Variants in RELN observed in about 807,000 individuals in gnomAD.
RELN encodes reelin.
RELN carries 108 observed loss-of-function variants against 427.6 expected under a neutral mutation model. The observed-to-expected ratio is 0.25, with a 90% CI of 0.22 to 0.30. The LOEUF (loss-of-function observed/expected upper bound fraction) is 0.30, where lower values mean the gene tolerates loss of function less well. Ranked by LOEUF, RELN falls within the 10% of genes least tolerant of loss-of-function variation. The pLI, the probability that RELN is intolerant of heterozygous loss-of-function variation, is 1.00. For synonymous variants in RELN, 1,524 were observed against 1,513.4 expected (o/e 1.01, Z -0.16); for missense variants, 3,715 against 4,302.8 (o/e 0.86, Z 3.82).
chr7:103,818,015 A>T (rs1013777747), intron 3 of RELN, among the ~76,000 whole-genome samples: 45 of 151,836 alleles, frequency 3.0e-4, no homozygotes, highest in Non-Finnish European at 4.9e-4. Flanking sequence ...CTCACTTTTT[A>T]AAAAAAGATC....
intron 45 of RELN, among the ~76,000 whole-genome samples, chr7:103,537,982 G>A (rs894918968): frequency 2.6e-5 from 4 of 152,156 alleles, no homozygotes; most frequent in African/African-American, 9.7e-5. Context: ...GCACTACTCC[G>A]TGGAACACTT....
chr7:103,820,868 A>G (rs1194870303), intron 3 of RELN, among the ~76,000 whole-genome samples: 1 of 152,052 alleles, frequency 6.6e-6, no homozygotes, highest in African/African-American at 2.4e-5. Context: ...ACACACACAT[A>G]CACACACACA....
chr7:103,579,680 T>C (rs982190644), intron 28 of RELN, among the ~76,000 whole-genome samples: 7 of 152,106 alleles, frequency 4.6e-5, no homozygotes, highest in African/African-American at 1.7e-4. Context: ...GTTTTGCGTG[T>C]CCCAGATAAA....
chr7:103,808,436 C>CA (rs1016482599), intron 3 of RELN, among the ~76,000 whole-genome samples: 5 of 151,450 alleles, frequency 3.3e-5, no homozygotes, highest in South Asian at 2.1e-4. Context: ...CAAAACAAAA[C>CA]AAAAAAAACC....
intron 28 of RELN, among the ~76,000 whole-genome samples, chr7:103,579,604 A>C (rs867378048): frequency 3.9e-5 from 6 of 151,956 alleles, no homozygotes; most frequent in East Asian, 1.9e-4. Flanking sequence ...ATCTCCAAAA[A>C]AAAAAAAAAA....
chr7:103,491,803 T>G, intron 58 of RELN, 150 bp downstream of exon 58: 2 of 664,940 alleles, frequency 3.0e-6, no homozygotes, highest in Non-Finnish European at 5.4e-6. Flanking sequence ...CACTCCAGCC[T>G]GGGCAACAAG....
intron 4 of RELN, among the ~76,000 whole-genome samples, chr7:103,763,795 C>G (rs1193815299): frequency 2.6e-5 from 4 of 151,906 alleles, no homozygotes; most frequent in African/African-American, 9.7e-5. Context: ...TGGGACAGAT[C>G]AGGGAAGTCC....
At chr7:103,489,933 T>C (rs756720356) in intron 59 of RELN, 34 bp from the exon 60 acceptor site, 5 of 1,612,964 alleles carry the variant, frequency 3.1e-6, no homozygotes, top group Admixed American at 3.3e-5. Context: ...AGGGATTCAG[T>C]AGGTTGTTAC....
rs145233007 is a variant in RELN, at chr7:103,926,519, G to A, written c.227-9334C>T. The stretch of plus-strand genomic sequence containing the variant: ...AGAGTGACCTTGATAATACTCGTGC[G>A]TATGTCATACATCTGTTGTTTGTAA... On this transcript the variant is annotated intron_variant, in intron 1 of 64. Transcript: ENST00000428762. 2.4e-3 allele frequency among the ~76,000 whole-genome samples: 368 copies of A among 151,570 alleles called. 2 individuals are homozygous for A. The highest frequency in any genetic ancestry group is 8.3e-3 in the African/African-American group (344 of 41,308).
At chr7:103,522,951 A>C (rs1312261816) in intron 47 of RELN, among the ~76,000 whole-genome samples, 17 of 152,070 alleles carry the variant, frequency 1.1e-4, no homozygotes. Context: ...TTGACCAGAC[A>C]TCTACATACT....
intron 3 of RELN, among the ~76,000 whole-genome samples, chr7:103,787,416 G>C (rs1792045123): frequency 6.6e-6 from 1 of 151,532 alleles, no homozygotes; most frequent in African/African-American, 2.4e-5. Context: ...GAAAAGATTA[G>C]CAAAATAGAT....
At chr7:103,574,371 G>A (rs1830950699) in intron 29 of RELN, 72 bp from the exon 30 acceptor site, 1 of 1,254,912 alleles carries the variant, frequency 8.0e-7, no homozygotes, top group Non-Finnish European at 1.2e-6. Flanking sequence ...TCAACACATG[G>A]GCAAAGGAAG....
intron 60 of RELN, among the ~76,000 whole-genome samples, chr7:103,487,401 G>GA (rs769886377): frequency 0.34 from 23,834 of 70,690 alleles, 2,202 homozygotes; most frequent in African/African-American, 0.42. Context: ...ACTTAAAGTA[G>GA]AAAAAAAAAA....
At chr7:103,687,833 T>C (rs1833794786) in intron 10 of RELN, among the ~76,000 whole-genome samples, 1 of 152,194 alleles carries the variant, frequency 6.6e-6, no homozygotes, top group Admixed American at 6.5e-5. Context: ...GATTATTTTC[T>C]GTATAAATTA....
At chr7:103,897,792 C>G (rs1466902784) in intron 2 of RELN, among the ~76,000 whole-genome samples, 1 of 151,942 alleles carries the variant, frequency 6.6e-6, no homozygotes, top group Non-Finnish European at 1.5e-5. Context: ...TAACAAAATC[C>G]TAGTGAAACT....
At chr7:103,875,761 A>C (rs555902135) in intron 2 of RELN, among the ~76,000 whole-genome samples, 1 of 152,270 alleles carries the variant, frequency 6.6e-6, no homozygotes, top group South Asian at 2.1e-4. Context: ...AAAACCCTGA[A>C]TCTGTCTTTC....
At chr7:103,773,156 C>CTTTCTT (rs1161095928) in intron 4 of RELN, among the ~76,000 whole-genome samples, 1 of 125,114 alleles carries the variant, frequency 8.0e-6, no homozygotes, top group Non-Finnish European at 1.7e-5. Flanking sequence ...TTCTTTCTTT[C>CTTTCTT]TTTCTTTCTT....
At chr7:103,513,466 A>T (rs1829479260) in intron 50 of RELN, 1 of 152,192 alleles carries the variant, frequency 6.6e-6, no homozygotes. Flanking sequence ...ATTATACAGG[A>T]AAAAAATGAG....
chr7:103,599,665 G>A lies in RELN; in HGVS notation c.3334-3004C>T, dbSNP rs180887650. On this transcript the variant is annotated intron_variant, in intron 24 of 64. Coordinates refer to ENST00000428762, the MANE Select transcript of RELN (RefSeq NM_005045.4). ...TTGCCAGAGCTCCAGAAAGCTTCAGGGAGGCAGTGGAATTTGAACAGGACA... is the reference window on the plus strand; with the variant it reads ...TTGCCAGAGCTCCAGAAAGCTTCAGAGAGGCAGTGGAATTTGAACAGGACA... 6.0e-4 allele frequency among the ~76,000 whole-genome samples: 91 copies of A among 152,176 alleles called. 1 individual carries two copies. The highest frequency in any genetic ancestry group is 7.4e-4 in the Non-Finnish European group (50 of 68,010).
Sources: allele counts gnomAD v4.1 joint callset (sites outside exome capture counted in the v4.1 genomes callset), GRCh38; gene constraint gnomAD v4.1.1; transcripts MANE v1.5; gene names NCBI Gene and HGNC (gene_info 2026-07-23, HGNC 2026-07-21).